Variants in ADAMTS16 observed in about 807,000 individuals in gnomAD.
ADAMTS16 encodes the protein ADAM metallopeptidase with thrombospondin type 1 motif 16, also known as A disintegrin and metalloproteinase with thrombospondin motifs 16.
ADAMTS16 carries 94 observed loss-of-function variants against 145.8 expected under a neutral mutation model. The ratio of observed to expected loss-of-function variants is 0.64; its 90% confidence interval spans 0.55 to 0.77. ADAMTS16 has a LOEUF of 0.77. Among genes scored for constraint, ADAMTS16 ranks in the 30% least tolerant of loss-of-function variants. The pLI is 0.00. For synonymous variants in ADAMTS16, 659 were observed against 604.3 expected (o/e 1.09, Z -1.33); for missense variants, 1,585 against 1,591.5 (o/e 1.00, Z 0.07).
chr5:5,242,004 C>A, intron 16 of ADAMTS16, 49 bp from the exon 17 acceptor site: 1 of 1,605,328 alleles, frequency 6.2e-7, no homozygotes. Context: ...CATGTACTTG[C>A]TGGTTTTGCA....
chr5:5,229,445 T>G (rs1044629291), intron 11 of ADAMTS16, among the ~76,000 whole-genome samples: 3 of 152,206 alleles, frequency 2.0e-5, no homozygotes, highest in African/African-American at 7.2e-5. Flanking sequence ...TTGTATCCTT[T>G]GTTCGGTGTA....
intron 3 of ADAMTS16, among the ~76,000 whole-genome samples, chr5:5,153,198 T>G (rs1344264000): frequency 6.6e-6 from 1 of 152,262 alleles, no homozygotes; most frequent in African/African-American, 2.4e-5. Flanking sequence ...TTCCTCAGCA[T>G]CTAATGCTGT....
intron 18 of ADAMTS16, among the ~76,000 whole-genome samples, chr5:5,284,794 T>A (rs1739047468): frequency 6.6e-6 from 1 of 152,212 alleles, no homozygotes. Context: ...CATATGTGTT[T>A]TTGTAGGGAG....
Position 5,318,110 on chromosome 5 carries a change from G to A in ADAMTS16, c.3412-24G>A, listed in dbSNP as rs1734127764. 3 of 1,368,158 alleles carry A rather than the reference G, an allele frequency of 2.2e-6. No individual in the cohort carries two copies. In the African/African-American group the frequency reaches 4.5e-5, roughly 20 times the overall value. The allele number at this position is 1,368,158 out of a possible 1,614,324, so 84.8% of individuals were successfully genotyped here. ...GTGCCTGAGAGCCTGGGGCCATGGTGACATGTGTGTGTTGCTCTCACAGTG... is the reference window on the plus strand; with the variant it reads ...GTGCCTGAGAGCCTGGGGCCATGGTAACATGTGTGTGTTGCTCTCACAGTG... On this transcript the variant is annotated intron_variant, in intron 21 of 22. Coordinates refer to ENST00000274181, the MANE Select transcript of ADAMTS16 (RefSeq NM_139056.4).
In ADAMTS16 at chr5:5,319,902, C is replaced by G. The variant is rs1227545728; in HGVS notation, c.*764C>G. 1.3e-5 allele frequency: 6 copies of G among 455,536 alleles called. No homozygotes were observed. Among genetic ancestry groups the G allele is most frequent in the Admixed American group, 7.1e-5 (3 of 42,532 alleles). The allele number at this position is 455,536 out of a possible 1,614,324, so 28.2% of individuals were successfully genotyped here. On this transcript the variant is annotated 3_prime_UTR_variant, in exon 23 of 23. Coordinates refer to ENST00000274181, the MANE Select transcript of ADAMTS16 (RefSeq NM_139056.4). ...TTCTCAGTTATTTGCAAGTGAGTGT[C>G]CTTTTAAAAACACACTTCTTCATGC...
At chr5:5,188,179 G>A (rs1735562354) in intron 6 of ADAMTS16, among the ~76,000 whole-genome samples, 1 of 152,146 alleles carries the variant, frequency 6.6e-6, no homozygotes, top group Non-Finnish European at 1.5e-5. Context: ...TTCTTGCTAG[G>A]AGAGTATAAA....
chr5:5,228,171 A>G (rs1736822398), intron 11 of ADAMTS16, among the ~76,000 whole-genome samples: 1 of 152,238 alleles, frequency 6.6e-6, no homozygotes, highest in Non-Finnish European at 1.5e-5. Flanking sequence ...TTTTGAATGT[A>G]TCAAGTTGTT....
Position 5,262,794 on chromosome 5 carries a change from T to C in ADAMTS16, c.2789+11T>C, listed in dbSNP as rs745374184. On this transcript the variant is annotated intron_variant, in intron 18 of 22. Transcript: ENST00000274181. ...TGCCTGTCCTCCCAGGTAAGAAGCA[T>C]CGCGTTCATCAAAGCAGGTTTCCCA... 6 of 1,612,300 alleles carry C rather than the reference T, an allele frequency of 3.7e-6. No homozygotes were observed. The highest frequency in any genetic ancestry group is 5.1e-6 in the Non-Finnish European group (6 of 1,179,526).
At chr5:5,185,376 A>G (rs1337077902) in intron 4 of ADAMTS16, among the ~76,000 whole-genome samples, 1 of 152,226 alleles carries the variant, frequency 6.6e-6, no homozygotes, top group African/African-American at 2.4e-5. Flanking sequence ...ACTAAACCTA[A>G]TTGTTTTCAA....
At chr5:5,200,933 G>A in intron 9 of ADAMTS16, among the ~76,000 whole-genome samples, 1 of 152,308 alleles carries the variant, frequency 6.6e-6, no homozygotes, top group East Asian at 1.9e-4. Context: ...TCAGAGAAAT[G>A]AGGAACTTTA....
Position 5,182,030 on chromosome 5 carries a change from T to C in ADAMTS16, c.502-14T>C. 6.3e-7 allele frequency: 1 copy of C among 1,580,084 alleles called. No individual in the cohort carries two copies. Among genetic ancestry groups the C allele is most frequent in the East Asian group, 2.3e-5 (1 of 44,356 alleles). ...TCTAATTGTGTTTTCTTTCTTTCCT[T>C]TTATTTTTTCCAGTCAGGCATGATA... On this transcript the variant is annotated splice_polypyrimidine_tract_variant and intron_variant, in intron 3 of 22. Coordinates refer to ENST00000274181, the MANE Select transcript of ADAMTS16 (RefSeq NM_139056.4).
chr5:5,183,620 C>A (rs940027849), intron 4 of ADAMTS16, among the ~76,000 whole-genome samples: 3 of 152,196 alleles, frequency 2.0e-5, no homozygotes, highest in African/African-American at 7.2e-5. Flanking sequence ...GCAATGCAGA[C>A]CACTGTGAGA....
At chr5:5,172,133 C>A (rs1286512954) in intron 3 of ADAMTS16, among the ~76,000 whole-genome samples, 1 of 151,966 alleles carries the variant, frequency 6.6e-6, no homozygotes, top group African/African-American at 2.4e-5. Context: ...TTATTTGGGT[C>A]TTCTCTCTTT....
At chr5:5,189,289 C>T (rs1735593615) in intron 6 of ADAMTS16, among the ~76,000 whole-genome samples, 1 of 152,160 alleles carries the variant, frequency 6.6e-6, no homozygotes, top group Non-Finnish European at 1.5e-5. Flanking sequence ...TCTTCTGTGT[C>T]TCGAATTCTT....
At chr5:5,255,091 C>T (rs1737740200) in intron 17 of ADAMTS16, among the ~76,000 whole-genome samples, 1 of 151,866 alleles carries the variant, frequency 6.6e-6, no homozygotes, top group African/African-American at 2.4e-5. Context: ...ATTAAGAAAA[C>T]CATCTTTTTA....
At chr5:5,293,087 C>G (rs1261474069) in intron 18 of ADAMTS16, among the ~76,000 whole-genome samples, 1 of 152,220 alleles carries the variant, frequency 6.6e-6, no homozygotes, top group Non-Finnish European at 1.5e-5. Flanking sequence ...TGGAGGGCAC[C>G]TTGGCAGGCC....
chr5:5,243,182 A>G (rs772564405), intron 17 of ADAMTS16, among the ~76,000 whole-genome samples: 3 of 152,246 alleles, frequency 2.0e-5, no homozygotes, highest in Non-Finnish European at 2.9e-5. Flanking sequence ...CTAAAAGTTA[A>G]CACTATGTGC....
chr5:5,298,094 G>A (rs1338347804), intron 18 of ADAMTS16, among the ~76,000 whole-genome samples: 1 of 152,206 alleles, frequency 6.6e-6, no homozygotes, highest in Non-Finnish European at 1.5e-5. Flanking sequence ...ACAGCCCAAG[G>A]GTCCTGCCCT....
At chr5:5,164,856 T>C (rs1219650834) in intron 3 of ADAMTS16, among the ~76,000 whole-genome samples, 4 of 152,074 alleles carry the variant, frequency 2.6e-5, no homozygotes, top group Admixed American at 2.6e-4. Flanking sequence ...TTTTGTATTT[T>C]TAGTAGAGAC....
Sources: gnomAD v4.1 joint callset for allele counts (sites outside exome capture counted in the v4.1 genomes callset) on GRCh38, gnomAD v4.1.1 for gene constraint, MANE v1.5 for transcripts, NCBI Gene and HGNC (gene_info 2026-07-23, HGNC 2026-07-21) for gene names.